Variants in DLGAP2 observed in about 807,000 individuals in gnomAD.
DLGAP2 encodes DLG associated protein 2, also known as disks large-associated protein 2.
In DLGAP2, 26 loss-of-function variants were observed where a neutral mutation model predicts 100.3. The ratio of observed to expected loss-of-function variants is 0.26; its 90% CI spans 0.19 to 0.36. DLGAP2 has a LOEUF of 0.36. Among genes scored for constraint, DLGAP2 ranks in the 10% least tolerant of loss-of-function variants. The pLI is 1.00. For synonymous variants in DLGAP2, 886 were observed against 630.1 expected (o/e 1.41, Z -6.08); for missense variants, 1,858 against 1,453.2 (o/e 1.28, Z -4.53).
intron 6 of DLGAP2, among the ~76,000 whole-genome samples, chr8:1,588,476 C>G (rs1796192691): frequency 6.6e-6 from 1 of 152,188 alleles, no homozygotes; most frequent in African/African-American, 2.4e-5. Context: ...AGTTCATTGT[C>G]TTCTTTGGCG....
At chr8:850,680 C>T (rs1161922506) in intron 1 of DLGAP2, among the ~76,000 whole-genome samples, 1 of 151,956 alleles carries the variant, frequency 6.6e-6, no homozygotes, top group South Asian at 2.1e-4. Flanking sequence ...GCATTATTGG[C>T]CTTTATGTAT....
At chr8:749,240 C>T (rs1314519687) in intron 1 of DLGAP2, among the ~76,000 whole-genome samples, 2 of 152,224 alleles carry the variant, frequency 1.3e-5, no homozygotes, top group Non-Finnish European at 2.9e-5. Context: ...GTCCCCCTGC[C>T]TCGGCCTCCC....
intron 4 of DLGAP2, among the ~76,000 whole-genome samples, chr8:1,506,493 G>C (rs79011534): frequency 6.6e-6 from 1 of 152,100 alleles, no homozygotes; most frequent in African/African-American, 2.4e-5. Context: ...GCAGATCTTC[G>C]CGGTGAGTGT....
At position 1,656,307 on chromosome 8, in the gene DLGAP2, C is replaced by G. The variant is rs2472096; in HGVS notation, c.1811-12022C>G. Reference sequence around the variant, plus strand: ...CCTGGGTGACAGGGCAAGACTCTGTCTCAAAAAAAAAAAAAAGTTTGAGCC... The same window carrying G: ...CCTGGGTGACAGGGCAAGACTCTGTGTCAAAAAAAAAAAAAAGTTTGAGCC... On this transcript the variant is annotated intron_variant, in intron 8 of 14. Transcript: ENST00000637795. Among the ~76,000 whole-genome samples, 4 of 149,278 alleles carry G rather than the reference C, an allele frequency of 2.7e-5. No homozygotes were observed. The East Asian group carries it at 5.9e-4, about 22-fold the overall frequency.
At chr8:1,118,293 C>T (rs1051102709) in intron 2 of DLGAP2, among the ~76,000 whole-genome samples, 17 of 152,228 alleles carry the variant, frequency 1.1e-4, no homozygotes, top group African/African-American at 4.1e-4. Context: ...ATTCCAGCAT[C>T]TGCAGCTCTT....
chr8:1,218,231 T>G (rs1229368270), intron 2 of DLGAP2, among the ~76,000 whole-genome samples: 1 of 152,218 alleles, frequency 6.6e-6, no homozygotes, highest in Non-Finnish European at 1.5e-5. Context: ...GTTTTGCCTT[T>G]AAGGCTTTGA....
chr8:1,526,873 G>C (rs746002962), intron 4 of DLGAP2, among the ~76,000 whole-genome samples: 10 of 152,228 alleles, frequency 6.6e-5, no homozygotes, highest in Non-Finnish European at 1.3e-4. Flanking sequence ...TCCTGCAGCA[G>C]AGCCTGGAAA....
At chr8:1,618,738 C>A (rs1797236004) in intron 6 of DLGAP2, among the ~76,000 whole-genome samples, 1 of 152,130 alleles carries the variant, frequency 6.6e-6, no homozygotes, top group African/African-American at 2.4e-5. Flanking sequence ...TGGGGCCAGA[C>A]AATTGTCTCT....
chr8:857,066 C>T (rs544123603), intron 1 of DLGAP2, among the ~76,000 whole-genome samples: 52 of 152,266 alleles, frequency 3.4e-4, no homozygotes, highest in African/African-American at 1.2e-3. Context: ...GACAGACCCA[C>T]GTAAATACAG....
At position 1,057,617 on chromosome 8, in the gene DLGAP2, G is replaced by A. The variant is rs145352204; in HGVS notation, c.73+149651G>A. On this transcript the variant is annotated intron_variant, in intron 2 of 14. Coordinates refer to ENST00000637795, the MANE Select transcript of DLGAP2 (RefSeq NM_001346810.2). ...AACCTCTATTCTAAACACCGACAAA[G>A]TCTTTCTGGAGAATGTAAGCAGGGA... 1.4e-3 allele frequency among the ~76,000 whole-genome samples: 215 copies of A among 152,302 alleles called. 4 individuals carry two copies. In the East Asian group the frequency reaches 0.037, roughly 26 times the overall value.
At chr8:1,663,694 T>G (rs1018534943) in intron 8 of DLGAP2, among the ~76,000 whole-genome samples, 2 of 152,162 alleles carry the variant, frequency 1.3e-5, no homozygotes, top group Non-Finnish European at 2.9e-5. Flanking sequence ...GTGACTTGCC[T>G]GTGAGTCTGT....
intron 2 of DLGAP2, among the ~76,000 whole-genome samples, chr8:1,018,381 G>A (rs1016830500): frequency 1.3e-5 from 2 of 152,198 alleles, no homozygotes; most frequent in Admixed American, 6.5e-5. Context: ...TTCGCATTAG[G>A]TTGGGAAGTC....
rs76194039 is a variant in DLGAP2, at chr8:941,690, C to G, written c.73+33724C>G. On this transcript the variant is annotated intron_variant, in intron 2 of 14. Transcript: ENST00000637795. ...ATGGTGTCCTAAGCAGCTGTGTCCCCTCTATGTTATTATTCTTTGTGCGGC... is the reference window on the plus strand; with the variant it reads ...ATGGTGTCCTAAGCAGCTGTGTCCCGTCTATGTTATTATTCTTTGTGCGGC... 1.7e-3 allele frequency among the ~76,000 whole-genome samples: 262 copies of G among 152,286 alleles called. 3 individuals are homozygous for G. Among genetic ancestry groups the G allele is most frequent in the African/African-American group, 6.2e-3 (258 of 41,546 alleles).
At chr8:1,651,732 T>C in intron 8 of DLGAP2, among the ~76,000 whole-genome samples, 1 of 152,180 alleles carries the variant, frequency 6.6e-6, no homozygotes, top group Non-Finnish European at 1.5e-5. Flanking sequence ...ATGTCTGACT[T>C]ACAAGGCAAC....
chr8:1,550,301 C>T lies in DLGAP2; in HGVS notation c.1230+618C>T, dbSNP rs559667489. Among the ~76,000 whole-genome samples the T allele has an allele frequency of 7.9e-5, 12 of 152,266 alleles. No homozygotes were observed. In the South Asian group the frequency reaches 8.3e-4, roughly 11 times the overall value. On this transcript the variant is annotated intron_variant, in intron 5 of 14. Coordinates refer to ENST00000637795, the MANE Select transcript of DLGAP2 (RefSeq NM_001346810.2). Reference sequence around the variant, plus strand: ...ATTGACGGCACGCTATGGCTTTGTGCGCGGGGCTGCAGGGATGGCGGGACG... The same window carrying T: ...ATTGACGGCACGCTATGGCTTTGTGTGCGGGGCTGCAGGGATGGCGGGACG...
At position 1,209,806 on chromosome 8, in the gene DLGAP2, A is replaced by G. The variant is rs532125114; in HGVS notation, c.74-49045A>G. Among the ~76,000 whole-genome samples the G allele has an allele frequency of 3.9e-4, 59 of 152,250 alleles. 1 individual carries two copies. The South Asian group carries it at 0.012, about 30-fold the overall frequency. ...TGATGGTCTGACTTGTCTGTATCCT[A>G]AGTTGTCACAGCTCACTGAGATATT... On this transcript the variant is annotated intron_variant, in intron 2 of 14. Coordinates refer to ENST00000637795, the MANE Select transcript of DLGAP2 (RefSeq NM_001346810.2).
intron 2 of DLGAP2, among the ~76,000 whole-genome samples, chr8:974,638 TC>T (rs1368544183): frequency 6.6e-6 from 1 of 152,132 alleles, no homozygotes; most frequent in East Asian, 1.9e-4. Flanking sequence ...ACAACATACT[TC>T]TAAATAACAC....
chr8:759,326 G>A (rs912382109), intron 1 of DLGAP2, among the ~76,000 whole-genome samples: 15 of 146,302 alleles, frequency 1.0e-4, no homozygotes, highest in African/African-American at 3.9e-4. Flanking sequence ...TACTGCCTGA[G>A]TGGTGTGTCT....
At chr8:1,381,728 C>T (rs10086811) in intron 3 of DLGAP2, among the ~76,000 whole-genome samples, 18,539 of 151,592 alleles carry the variant, frequency 0.12, 1,645 homozygotes, top group East Asian at 0.23. Flanking sequence ...CCAGCTCCAT[C>T]GCGTTGCCGT....
Sources: allele counts gnomAD v4.1 joint callset (sites outside exome capture counted in the v4.1 genomes callset), GRCh38; gene constraint gnomAD v4.1.1; transcripts MANE v1.5; gene names NCBI Gene and HGNC (gene_info 2026-07-23, HGNC 2026-07-21).